The following URB1 variants were observed in gnomAD, a reference collection of about 807,000 sequenced individuals.
URB1 encodes the protein nucleolar pre-ribosomal-associated protein 1.
A neutral mutation model predicts 242.3 loss-of-function variants in URB1; 197 were observed. That is an observed-to-expected ratio of 0.81 (90% CI 0.72 to 0.91). The LOEUF (loss-of-function observed/expected upper bound fraction) is 0.91. Among genes scored for constraint, URB1 ranks in the 40% least tolerant of loss-of-function variants. The pLI is 0.00. For missense variants in URB1, 2,721 were observed against 2,860.5 expected, an observed-to-expected ratio of 0.95 and a Z score of 1.11; for synonymous variants, 1,153 against 1,201.8, an observed-to-expected ratio of 0.96 and a Z score of 0.84.
intron 36 of URB1, 113 bp from the exon 37 acceptor site, chr21:32,318,030 G>C (rs780589958): frequency 4.9e-5 from 68 of 1,390,708 alleles, no homozygotes; most frequent in Non-Finnish European, 6.5e-5. Context: ...AGTCCCTCCA[G>C]GAACCAGGTT....
chr21:32,334,204 TG>T lies in URB1; in HGVS notation c.4815del (p.Ile1606SerfsTer19), dbSNP rs752012967. 6.4e-7 allele frequency: 1 copy of T among 1,551,164 alleles called. No individual in the cohort carries two copies. Among genetic ancestry groups the T allele is most frequent in the Non-Finnish European group, 8.7e-7 (1 of 1,146,730 alleles). ...CTCCGGTTCTGGGGGAAGTGCAGGA[TG>T]GTCTGCATCATCCGGTCCCGGTCCA... ...RLLDRDRMMQ[T>X]ILHFPQNRRL... On this transcript the variant is annotated frameshift_variant, in exon 29 of 39. Transcript: ENST00000382751. LOFTEE classifies it high-confidence loss of function.
rs1347224731 is a variant in URB1 at position 32,355,541 on chromosome 21, C to A, written c.2014G>T (p.Glu672Ter). 6 of 1,551,580 alleles carry A rather than the reference C, an allele frequency of 3.9e-6. No homozygotes were observed. Among genetic ancestry groups the A allele is most frequent in the Non-Finnish European group, 5.2e-6 (6 of 1,146,982 alleles). ...AGCTCCAGCTCCTTCCAGGTGTGCTCAAACACCCCCGTGTCCCGCAGAATC... is the reference window on the plus strand; with the variant it reads ...AGCTCCAGCTCCTTCCAGGTGTGCTAAAACACCCCCGTGTCCCGCAGAATC... ...MKILRDTGVF[E>*]HTWKELELWL... is the part of the protein sequence containing the mutation. The change falls in exon 16 of 39, where the codon GAG (glutamate) becomes TAG (stop). Residue 672 changes from glutamate to a stop codon, truncating the protein, a stop_gained. Transcript: ENST00000382751. LOFTEE classifies it high-confidence loss of function.
chr21:32,388,797 A>G (rs2033610205), intron 1 of URB1, among the ~76,000 whole-genome samples: 1 of 152,228 alleles, frequency 6.6e-6, no homozygotes, highest in South Asian at 2.1e-4. Context: ...TGTAACTCTG[A>G]GCATTCCAGA....
intron 8 of URB1, among the ~76,000 whole-genome samples, chr21:32,371,599 G>A (rs1322495489): frequency 3.3e-5 from 5 of 152,182 alleles, no homozygotes; most frequent in African/African-American, 9.7e-5. Flanking sequence ...CTCCCACCAT[G>A]TTATTCCATT....
Position 32,320,495 on chromosome 21 carries a change from C to T in URB1, c.5594+36G>A, listed in dbSNP as rs1449260879. 4 of 1,450,560 alleles carry T rather than the reference C, an allele frequency of 2.8e-6. No homozygotes were observed. The East Asian group carries it at 9.9e-5, about 36-fold the overall frequency. The allele number at this position is 1,450,560 out of a possible 1,614,324, so 89.9% of individuals were successfully genotyped here. On this transcript the variant is annotated intron_variant, in intron 35 of 38. Transcript: ENST00000382751. ...TCATCGTTTCTGTTCCTTTCCTTCC[C>T]ACCTGACGCGCACCTCGCATGCAAA...
rs1346852345 is a variant in URB1 at position 32,314,114 on chromosome 21, A to T, written c.*804T>A. The stretch of plus-strand genomic sequence containing the variant: ...CTTTTCTTTAATAAAATAATTAAAC[A>T]CTGGCAGAAATTAACTTATTCAAAA... On this transcript the variant is annotated 3_prime_UTR_variant, in exon 39 of 39. Coordinates refer to ENST00000382751, the MANE Select transcript of URB1 (RefSeq NM_014825.3). The T allele has an allele frequency of 6.1e-6, 1 of 164,120 alleles. No individual in the cohort carries two copies. The highest frequency in any genetic ancestry group is 2.4e-5 in the African/African-American group (1 of 41,598). 10.2% of individuals were successfully genotyped at this position (164,120 alleles called of 1,614,324 possible).
At position 32,375,381 on chromosome 21, in the gene URB1, G is replaced by A. The variant is rs1413246009; in HGVS notation, c.750+17C>T. On this transcript the variant is annotated intron_variant, in intron 6 of 38. Transcript: ENST00000382751. The stretch of plus-strand genomic sequence containing the variant: ...AGGGAAAACAGACAACAGAAACGCG[G>A]ATCACCAAGCACATACCTTTGTTTT... 1 of 1,461,890 alleles carries A rather than the reference G, an allele frequency of 6.8e-7. No homozygotes were observed. Among genetic ancestry groups the A allele is most frequent in the Non-Finnish European group, 9.2e-7 (1 of 1,089,578 alleles). 90.6% of individuals were successfully genotyped at this position (1,461,890 alleles called of 1,614,324 possible).
intron 24 of URB1, among the ~76,000 whole-genome samples, chr21:32,344,021 GA>G (rs1320709496): frequency 1.3e-5 from 2 of 152,082 alleles, no homozygotes; most frequent in Non-Finnish European, 2.9e-5. Flanking sequence ...CTTAAAGGAG[GA>G]AAAAACTATC....
chr21:32,372,596 C>T lies in URB1; in HGVS notation c.912G>A (p.Arg304=). 1 of 1,551,110 alleles carries T rather than the reference C, an allele frequency of 6.4e-7. No homozygotes were observed. The highest frequency in any genetic ancestry group is 8.7e-7 in the Non-Finnish European group (1 of 1,146,848). The change falls in exon 8 of 39, where the codon CGG becomes CGA. Residue 304 remains arginine, a synonymous_variant. Transcript: ENST00000382751. ...SAEEAGKTMV[R]ELVHNFLMDL... The stretch of plus-strand genomic sequence containing the variant: ...CCATCAGGAAGTTATGAACAAGCTC[C>T]CGCACCATGGTTTTCCCTGCTTCTT...
At chr21:32,383,251 C>T (rs866191771) in intron 4 of URB1, among the ~76,000 whole-genome samples, 171 bp downstream of exon 4, 20 of 152,234 alleles carry the variant, frequency 1.3e-4, no homozygotes, top group Admixed American at 6.5e-4. Context: ...CAGCCTGAAG[C>T]GAGTCCTGTC....
At chr21:32,339,192 C>T (rs530686148) in intron 25 of URB1, among the ~76,000 whole-genome samples, 45 of 152,272 alleles carry the variant, frequency 3.0e-4, no homozygotes, top group Non-Finnish European at 6.2e-4. Context: ...CGTGACTTCA[C>T]CATGTTGGCC....
Position 32,311,791 on chromosome 21 carries a change from A to G in URB1, c.*3127T>C, listed in dbSNP as rs1261682989. 5.0e-6 allele frequency: 8 copies of G among 1,613,998 alleles called. No individual in the cohort carries two copies. Among genetic ancestry groups the G allele is most frequent in the Non-Finnish European group, 6.8e-6 (8 of 1,180,050 alleles). On this transcript the variant is annotated 3_prime_UTR_variant, in exon 39 of 39. Transcript: ENST00000382751. ...CACAGGGAACCCCTGGCAACCTCAC[A>G]GGCTCAGGCGAGCTCAGTGGAGCCA...
At chr21:32,392,653 C>T in intron 1 of URB1, 116 bp downstream of exon 1, 1 of 1,271,950 alleles carries the variant, frequency 7.9e-7, no homozygotes, top group South Asian at 2.2e-5. Flanking sequence ...AAACCAGAGG[C>T]TTGCCACTGA....
chr21:32,375,542 G>T, intron 5 of URB1, 59 bp from the exon 6 acceptor site: 4 of 1,045,518 alleles, frequency 3.8e-6, no homozygotes, highest in Non-Finnish European at 5.6e-6. Flanking sequence ...GAGAATAGAC[G>T]AGAGAATATT....
intron 9 of URB1, among the ~76,000 whole-genome samples, chr21:32,367,629 T>C (rs2833788): frequency 0.15 from 22,622 of 152,280 alleles, 2,240 homozygotes; most frequent in African/African-American, 0.28. Flanking sequence ...GATGCTGACA[T>C]TATGATCAAA....
chr21:32,367,441 T>C (rs1327802271), intron 9 of URB1, among the ~76,000 whole-genome samples: 1 of 152,118 alleles, frequency 6.6e-6, no homozygotes, highest in Non-Finnish European at 1.5e-5. Context: ...ACTGTGCGCA[T>C]AGGCACTCAA....
rs894538837 is a variant in URB1 at position 32,368,650 on chromosome 21, CCT to C, written c.1002-54_1002-53del. The C allele has an allele frequency of 2.7e-6, 4 of 1,460,034 alleles. No individual in the cohort carries two copies. In the African/African-American group the frequency reaches 4.3e-5, roughly 16 times the overall value. 90.4% of individuals were successfully genotyped at this position (1,460,034 alleles called of 1,614,324 possible). On this transcript the variant is annotated intron_variant, in intron 8 of 38. Transcript: ENST00000382751. ...GGTCAGCAGAAAATGGTCAAAGCAC[CCT>C]GAGAGCTCATGGTGACGTGCAGCTC...
At position 32,337,550 on chromosome 21, in the gene URB1, G is replaced by A. The variant is rs780211495; in HGVS notation, c.4511-36C>T. The A allele has an allele frequency of 1.1e-5, 16 of 1,519,140 alleles. No individual in the cohort carries two copies. The East Asian group carries it at 3.7e-4, about 35-fold the overall frequency. 94.1% of individuals were successfully genotyped at this position (1,519,140 alleles called of 1,614,324 possible). ...ACAACCCTGAAACACATGGCATGGTGGGGCAGACACACTGAATACCAGAAG... is the reference window on the plus strand; with the variant it reads ...ACAACCCTGAAACACATGGCATGGTAGGGCAGACACACTGAATACCAGAAG... On this transcript the variant is annotated intron_variant, in intron 26 of 38. Coordinates refer to ENST00000382751, the MANE Select transcript of URB1 (RefSeq NM_014825.3).
At chr21:32,319,124 C>G in intron 36 of URB1, 93 bp downstream of exon 36, 3 of 1,308,226 alleles carry the variant, frequency 2.3e-6, no homozygotes, top group Non-Finnish European at 3.1e-6. Flanking sequence ...CCCCCTGGTA[C>G]AGAGTCATGA....
Sources: gnomAD v4.1 joint callset for allele counts (sites outside exome capture counted in the v4.1 genomes callset) on GRCh38, gnomAD v4.1.1 for gene constraint, MANE v1.5 for transcripts, NCBI Gene and HGNC (gene_info 2026-07-23, HGNC 2026-07-21) for gene names.